TGFBR3L: variants seen among roughly 807,000 people sequenced by gnomAD.
TGFBR3L encodes the protein transforming growth factor beta receptor 3 like.
Under a neutral mutation model 20.4 loss-of-function variants are expected in TGFBR3L, and 21 were observed. The observed-to-expected ratio is 1.03, with a 90% CI of 0.73 to 1.48. The LOEUF is 1.48. Among genes scored for constraint, TGFBR3L ranks in the 40% most tolerant of loss-of-function variants. TGFBR3L has a pLI of 0.00. For synonymous variants in TGFBR3L, 245 were observed against 244.2 expected, an observed-to-expected ratio of 1.00 and a Z score of -0.03; for missense variants, 479 against 498.0, an observed-to-expected ratio of 0.96 and a Z score of 0.36.
Position 7,917,108 on chromosome 19 carries a change from G to A in TGFBR3L, c.597+166G>A, listed in dbSNP as rs181787448. On this transcript the variant is annotated intron_variant, in intron 2 of 5. Coordinates refer to ENST00000565886, the MANE Select transcript of TGFBR3L (RefSeq NM_001195259.2). ...TGCCGACAGAGTTTCTCCGGGGACA[G>A]TGTGGACACTGGGTTCCCCCATGGA... 1.4e-3 allele frequency: 1,580 copies of A among 1,092,408 alleles called. 17 individuals are homozygous for A. The African/African-American group carries it at 0.024, about 16-fold the overall frequency. 67.7% of individuals were successfully genotyped at this position (1,092,408 alleles called of 1,614,324 possible).
In TGFBR3L at chr19:7,917,734, G is replaced by A; in HGVS notation, c.758G>A (p.Arg253His). The A allele has an allele frequency of 2.1e-6, 3 of 1,425,716 alleles. No homozygotes were observed. The highest frequency in any genetic ancestry group is 1.8e-6 in the Non-Finnish European group (2 of 1,098,306). 88.3% of individuals were successfully genotyped at this position (1,425,716 alleles called of 1,614,324 possible). A position where few individuals can be genotyped will look rare whatever the true frequency, so the allele number is the denominator to read the frequency against. Residue 253 changes from arginine to histidine, a missense_variant, in exon 4 of 6, where the codon CGC becomes CAC. Arg to His is a conservative substitution (Grantham distance 29). Transcript: ENST00000565886. Reference sequence around the variant, plus strand: ...AAGAGTGTCCCCGGCCGTGCAGTGCGCCCTGAGCCTCCCGCGCCGGCCCCC... The same window carrying A: ...AAGAGTGTCCCCGGCCGTGCAGTGCACCCTGAGCCTCCCGCGCCGGCCCCC...
At position 7,914,984 on chromosome 19, in the gene TGFBR3L, ATT is replaced by A. The variant is rs931837215; in HGVS notation, c.-1277_-1276del. Among the ~76,000 whole-genome samples the A allele has an allele frequency of 1.3e-5, 2 of 151,332 alleles. No homozygotes were observed. The highest frequency in any genetic ancestry group is 3.0e-5 in the Non-Finnish European group (2 of 67,768). Reference sequence around the variant, plus strand: ...CTTCTATCCCTGTTTCACCCTCTTTATTTTTTTTGAGATGGAGTCTTGCTCTG... The same window carrying A: ...CTTCTATCCCTGTTTCACCCTCTTTATTTTTTGAGATGGAGTCTTGCTCTG... On this transcript the variant is annotated 5_prime_UTR_variant, in exon 1 of 6. Coordinates refer to ENST00000565886, the MANE Select transcript of TGFBR3L (RefSeq NM_001195259.2).
chr19:7,917,862 A>G lies in TGFBR3L; in HGVS notation c.883+3A>G, dbSNP rs934879647. On this transcript the variant is annotated splice_donor_region_variant and intron_variant, in intron 4 of 5. Transcript: ENST00000565886. ...GGGTCTCGTCTGTGCGCACTCAGGT[A>G]CCGACGACCTCCGCCAAGCCGGGCC... 1.5e-6 allele frequency: 2 copies of G among 1,371,312 alleles called. No homozygotes were observed. The highest frequency in any genetic ancestry group is 1.9e-6 in the Non-Finnish European group (2 of 1,069,746). 84.9% of individuals were successfully genotyped at this position (1,371,312 alleles called of 1,614,324 possible). A position where few individuals can be genotyped will look rare whatever the true frequency, so the allele number is the denominator to read the frequency against.
chr19:7,918,034 T>G, intron 4 of TGFBR3L, 23 bp from the exon 6 acceptor site: 1 of 1,531,258 alleles, frequency 6.5e-7, no homozygotes, highest in Non-Finnish European at 8.7e-7. Flanking sequence ...GCAGCCCTTC[T>G]GCAGCTCGCC....
In TGFBR3L at chr19:7,917,814, G is replaced by A. The variant is rs1187152372; in HGVS notation, c.838G>A (p.Gly280Ser). The A allele has an allele frequency of 2.1e-6, 3 of 1,400,954 alleles. No individual in the cohort carries two copies. The African/African-American group carries it at 4.6e-5, about 21-fold the overall frequency. The allele number at this position is 1,400,954 out of a possible 1,614,324, so 86.8% of individuals were successfully genotyped here. A position where few individuals can be genotyped will look rare whatever the true frequency, so the allele number is the denominator to read the frequency against. The stretch of plus-strand genomic sequence containing the variant: ...GCTGGTGTTGGCAGCCTTCGTGCTG[G>A]GCGCCGCGCTGGCCGCCGGGCTGGG... The change falls in exon 4 of 6, where the codon GGC becomes AGC. Residue 280 changes from glycine (G) to serine (S), a missense_variant. Coordinates refer to ENST00000565886, the MANE Select transcript of TGFBR3L (RefSeq NM_001195259.2).
chr19:7,917,747 C>T lies in TGFBR3L; in HGVS notation c.771C>T (p.Pro257=). 3 of 1,434,012 alleles carry T rather than the reference C, an allele frequency of 2.1e-6. No homozygotes were observed. The highest frequency in any genetic ancestry group is 2.8e-5 in the South Asian group (2 of 70,750). 88.8% of individuals were successfully genotyped at this position (1,434,012 alleles called of 1,614,324 possible). A position where few individuals can be genotyped will look rare whatever the true frequency, so the allele number is the denominator to read the frequency against. The change falls in exon 4 of 6, where the codon CCC becomes CCT. Residue 257 remains proline, a synonymous_variant. Coordinates refer to ENST00000565886, the MANE Select transcript of TGFBR3L (RefSeq NM_001195259.2). Reference sequence around the variant, plus strand: ...GCCGTGCAGTGCGCCCTGAGCCTCCCGCGCCGGCCCCCGCGGCCCTGGAAC... The same window carrying T: ...GCCGTGCAGTGCGCCCTGAGCCTCCTGCGCCGGCCCCCGCGGCCCTGGAAC...
Position 7,916,458 on chromosome 19 carries a change from G to A in TGFBR3L, c.191G>A (p.Ser64Asn). Residue 64 changes from serine to asparagine, a missense_variant, in exon 1 of 6, where the codon AGC becomes AAC. Transcript: ENST00000565886. ...CCCTGGCTGCGCAGACCCCTCTTCAGCCTGAAGCTGTCCGACACAGAGGAC... is the reference window on the plus strand; with the variant it reads ...CCCTGGCTGCGCAGACCCCTCTTCAACCTGAAGCTGTCCGACACAGAGGAC... The A allele has an allele frequency of 1.3e-6, 2 of 1,533,718 alleles. No individual in the cohort carries two copies. Among genetic ancestry groups the A allele is most frequent in the Non-Finnish European group, 1.7e-6 (2 of 1,145,770 alleles).
intron 5 of TGFBR3L, among the ~76,000 whole-genome samples, chr19:7,918,347 C>G (rs1252471885): frequency 6.6e-6 from 1 of 152,240 alleles, no homozygotes; most frequent in Non-Finnish European, 1.5e-5. Context: ...AGCGATTCTC[C>G]TACCTCAGCC....
In TGFBR3L at chr19:7,916,948, C is replaced by T. The variant is rs1983339839; in HGVS notation, c.597+6C>T. On this transcript the variant is annotated splice_donor_region_variant and intron_variant, in intron 2 of 5. Transcript: ENST00000565886. ...CGCCGCCGCCGCCATCGCGGGTGCG[C>T]GGGCGCAGAGCCTGGAATCCGGGCG... is the stretch of plus-strand genomic sequence containing the variant. 3.9e-6 allele frequency: 5 copies of T among 1,282,726 alleles called. No homozygotes were observed. The East Asian group carries it at 9.6e-5, about 25-fold the overall frequency. The allele number at this position is 1,282,726 out of a possible 1,614,324, so 79.5% of individuals were successfully genotyped here.
At position 7,917,704 on chromosome 19, in the gene TGFBR3L, C is replaced by A. The variant is rs1014926602; in HGVS notation, c.728C>A (p.Pro243Gln). ...CTCAGCGTGGCACTTCCCACAGGGC[C>A]GCCCAAGAGTGTCCCCGGCCGTGCA... The change falls in exon 4 of 6, where the codon CCG becomes CAG. Residue 243 changes from proline (P) to glutamine (Q), a missense_variant. By Grantham distance (76) the Pro-to-Gln change is moderately conservative (BLOSUM62 -1). Transcript: ENST00000565886. 7.0e-7 allele frequency: 1 copy of A among 1,419,300 alleles called. No homozygotes were observed. Among genetic ancestry groups the A allele is most frequent in the South Asian group, 1.5e-5 (1 of 68,170 alleles). The allele number at this position is 1,419,300 out of a possible 1,614,324, so 87.9% of individuals were successfully genotyped here. A position where few individuals can be genotyped will look rare whatever the true frequency, so the allele number is the denominator to read the frequency against.
chr19:7,916,458 G>T lies in TGFBR3L; in HGVS notation c.191G>T (p.Ser64Ile). Reference sequence around the variant, plus strand: ...CCCTGGCTGCGCAGACCCCTCTTCAGCCTGAAGCTGTCCGACACAGAGGAC... The same window carrying T: ...CCCTGGCTGCGCAGACCCCTCTTCATCCTGAAGCTGTCCGACACAGAGGAC... Residue 64 changes from serine to isoleucine, a missense_variant, in exon 1 of 6, where the codon AGC becomes ATC. Ser to Ile is a moderately radical substitution (Grantham distance 142). Coordinates refer to ENST00000565886, the MANE Select transcript of TGFBR3L (RefSeq NM_001195259.2). 2 of 1,533,718 alleles carry T rather than the reference G, an allele frequency of 1.3e-6. No individual in the cohort carries two copies. Among genetic ancestry groups the T allele is most frequent in the Non-Finnish European group, 1.7e-6 (2 of 1,145,770 alleles).
chr19:7,916,861 G>C lies in TGFBR3L; in HGVS notation c.516G>C (p.Gln172His). Residue 172 changes from glutamine to histidine, a missense_variant, in exon 2 of 6, where the codon CAG (glutamine) becomes CAC (histidine). Physicochemically the swap from Gln to His is conservative, Grantham distance 24. Transcript: ENST00000565886. ...CCTCGGTGCAGTTCCTGCACTGCCA[G>C]CTGAGCCGCTGCCGCCGCCTCCGGG... 2 of 1,394,162 alleles carry C rather than the reference G, an allele frequency of 1.4e-6. No individual in the cohort carries two copies. The highest frequency in any genetic ancestry group is 3.2e-5 in the South Asian group (2 of 62,840). The allele number at this position is 1,394,162 out of a possible 1,614,324, so 86.4% of individuals were successfully genotyped here.
At chr19:7,918,875 G>A (rs950140948) in intron 5 of TGFBR3L, 42 bp from the exon 7 acceptor site, 6 of 398,442 alleles carry the variant, frequency 1.5e-5, no homozygotes, top group Admixed American at 8.8e-5. Flanking sequence ...GGTGGCCCGC[G>A]TAGCGTCCCC....
chr19:7,915,876 C>T lies in TGFBR3L; in HGVS notation c.-392C>T, dbSNP rs1983259060. 6.6e-6 allele frequency among the ~76,000 whole-genome samples: 1 copy of T among 152,194 alleles called. No homozygotes were observed. Among genetic ancestry groups the T allele is most frequent in the South Asian group, 2.1e-4 (1 of 4,830 alleles). On this transcript the variant is annotated 5_prime_UTR_variant, in exon 1 of 6. Transcript: ENST00000565886. ...AAGAGGGGAGGGGTCCCATGGCTGC[C>T]TCAGCCTGGACAAGTGGAAGCGTCT...
Position 7,914,980 on chromosome 19 carries a change from CTTTA to C in TGFBR3L, c.-1284_-1281del, listed in dbSNP as rs770653678. On this transcript the variant is annotated 5_prime_UTR_variant, in exon 1 of 6. Transcript: ENST00000565886. ...CATGCTTCTATCCCTGTTTCACCCT[CTTTA>C]TTTTTTTTGAGATGGAGTCTTGCTC... is the stretch of plus-strand genomic sequence containing the variant. 3.3e-4 allele frequency among the ~76,000 whole-genome samples: 50 copies of C among 152,232 alleles called. No individual in the cohort carries two copies. The highest frequency in any genetic ancestry group is 6.2e-4 in the Non-Finnish European group (42 of 68,014).
At chr19:7,917,657 A>G in intron 3 of TGFBR3L, 44 bp from the exon 5 acceptor site, 1 of 1,427,184 alleles carries the variant, frequency 7.0e-7, no homozygotes, top group Non-Finnish European at 9.1e-7. Flanking sequence ...GGTGGGAAGG[A>G]CGCCTGGGAG....
rs979346537 is a variant in TGFBR3L at position 7,918,130 on chromosome 19, G to A, written c.*5+1G>A. On this transcript the variant is annotated splice_donor_variant, in intron 5 of 5. Coordinates refer to ENST00000565886, the MANE Select transcript of TGFBR3L (RefSeq NM_001195259.2). LOFTEE classifies it low-confidence loss of function (3UTR_SPLICE). Reference sequence around the variant, plus strand: ...AGCCCAGGAGGTCCCAGTGAGGAAGGTAGGTATGGAGGTGGAGGGAGCTGG... The same window carrying A: ...AGCCCAGGAGGTCCCAGTGAGGAAGATAGGTATGGAGGTGGAGGGAGCTGG... 1.6e-4 allele frequency: 242 copies of A among 1,535,844 alleles called. No homozygotes were observed. Among genetic ancestry groups the A allele is most frequent in the Middle Eastern group, 8.4e-4 (5 of 5,988 alleles).
chr19:7,917,858 A>G lies in TGFBR3L; in HGVS notation c.882A>G (p.Ser294=). The G allele has an allele frequency of 1.5e-6, 2 of 1,371,088 alleles. No homozygotes were observed. The highest frequency in any genetic ancestry group is 2.7e-4 in the Middle Eastern group (1 of 3,708). The allele number at this position is 1,371,088 out of a possible 1,614,324, so 84.9% of individuals were successfully genotyped here. ...GGCTGGGTCTCGTCTGTGCGCACTC[A>G]GGTACCGACGACCTCCGCCAAGCCG... The change falls in exon 4 of 6, where the codon TCA becomes TCG. Residue 294 remains serine (S), a splice_region_variant and synonymous_variant. Coordinates refer to ENST00000565886, the MANE Select transcript of TGFBR3L (RefSeq NM_001195259.2).
rs1398313922 is a variant in TGFBR3L, at chr19:7,916,045, G to C, written c.-223G>C. ...CGCCTGTCCTGCTGCGTCCCCAAGA[G>C]CAGCCCTGGGGAAGGTGGGGGAGCT... On this transcript the variant is annotated 5_prime_UTR_variant, in exon 1 of 6. Coordinates refer to ENST00000565886, the MANE Select transcript of TGFBR3L (RefSeq NM_001195259.2). The C allele has an allele frequency of 1.3e-6, 1 of 789,890 alleles. No homozygotes were observed. Among genetic ancestry groups the C allele is most frequent in the East Asian group, 2.8e-5 (1 of 35,276 alleles). The allele number at this position is 789,890 out of a possible 1,614,324, so 48.9% of individuals were successfully genotyped here. A position where few individuals can be genotyped will look rare whatever the true frequency, so the allele number is the denominator to read the frequency against.
Sources: gnomAD v4.1 joint callset for allele counts (sites outside exome capture counted in the v4.1 genomes callset) on GRCh38, gnomAD v4.1.1 for gene constraint, MANE v1.5 for transcripts, NCBI Gene and HGNC (gene_info 2026-07-23, HGNC 2026-07-21) for gene names.